The following BCL9L variants were observed in gnomAD, a reference collection of about 807,000 sequenced individuals.
BCL9L encodes BCL9 like.
Under a neutral mutation model 99.4 loss-of-function variants are expected in BCL9L, and 19 were observed. That is an observed-to-expected ratio of 0.19 (90% confidence interval 0.13 to 0.28). The LOEUF (loss-of-function observed/expected upper bound fraction) is 0.28, where lower values mean the gene tolerates loss of function less well. BCL9L is among the 10% of genes least tolerant of loss of function. BCL9L has a pLI of 1.00. For synonymous variants in BCL9L, 900 were observed against 854.8 expected (o/e 1.05, Z -0.92); for missense variants, 2,023 against 2,101.6 (o/e 0.96, Z 0.73).
At position 118,901,356 on chromosome 11, in the gene BCL9L, A is replaced by T; in HGVS notation, c.2387T>A (p.Met796Lys). 1 of 1,613,766 alleles carries T rather than the reference A, an allele frequency of 6.2e-7. No individual in the cohort carries two copies. Among genetic ancestry groups the T allele is most frequent in the Non-Finnish European group, 8.5e-7 (1 of 1,179,960 alleles). Residue 796 changes from methionine to lysine, a missense_variant, in exon 8 of 10, where the codon ATG (methionine) becomes AAG (lysine). Transcript: ENST00000683865. This position sits in a 1 kb window ranked among gnomAD's most constrained non-coding sequence, Gnocchi z 6.6. The part of the protein sequence containing the change: ...VQMTPQQQML[M>K]SQKMRGPGDL... ...CCCAGGGCCCCGCATCTTCTGCGAC[A>T]TCAGCATCTGCTGCTGCGGGGTCAT... is the stretch of plus-strand genomic sequence containing the variant.
Position 118,903,255 on chromosome 11 carries a change from T to C in BCL9L, c.730A>G (p.Thr244Ala), listed in dbSNP as rs1481203919. 1.9e-6 allele frequency: 3 copies of C among 1,589,060 alleles called. No homozygotes were observed. Among genetic ancestry groups the C allele is most frequent in the Non-Finnish European group, 2.6e-6 (3 of 1,170,036 alleles). The change falls in exon 6 of 10, where the codon ACC becomes GCC. Residue 244 changes from threonine (T) to alanine (A), a missense_variant. By Grantham distance (58) the Thr-to-Ala change is moderately conservative. Transcript: ENST00000683865. The surrounding 1 kb of genome is among the most constrained non-coding windows in gnomAD (Gnocchi z 5.6). ...ACTTACGTGTTGGCCAGGTGGGTGG[T>C]GAAGACATATACGAACTGCGAGGGA... Reference protein sequence around the residue: ...KPPSQFVYVFTTHLANTAAEA... With the variant: ...KPPSQFVYVFATHLANTAAEA...
Position 118,902,729 on chromosome 11 carries a change from C to T in BCL9L, c.1014G>A (p.Ser338=), listed in dbSNP as rs35346926. The T allele has an allele frequency of 0.025, 39,599 of 1,597,018 alleles. 590 individuals carry two copies. Among genetic ancestry groups the T allele is most frequent in the Non-Finnish European group, 0.029 (33,797 of 1,178,850 alleles). Residue 338 remains serine, a synonymous_variant, in exon 8 of 10, where the codon TCG becomes TCA. Coordinates refer to ENST00000683865, the MANE Select transcript of BCL9L (RefSeq NM_001378213.1). This position sits in a 1 kb window ranked among gnomAD's most constrained non-coding sequence, Gnocchi z 7.8. ...EDSSQDLAPN[S]VGAASTGGGT... Reference sequence around the variant, plus strand: ...CACCACCTGTGCTGGCAGCTCCCACCGAGTTGGGGGCCAGGTCCTGACTGC... The same window carrying T: ...CACCACCTGTGCTGGCAGCTCCCACTGAGTTGGGGGCCAGGTCCTGACTGC...
intron 3 of BCL9L, 126 bp downstream of exon 3, chr11:118,909,788 G>T: frequency 2.0e-6 from 3 of 1,482,726 alleles, no homozygotes; most frequent in Non-Finnish European, 1.9e-6. Flanking sequence ...CCCACTGGTG[G>T]CCTGGGAGCC....
intron 2 of BCL9L, among the ~76,000 whole-genome samples, chr11:118,915,008 C>T (rs1001423655): frequency 1.3e-5 from 2 of 152,084 alleles, no homozygotes; most frequent in Non-Finnish European, 2.9e-5. Context: ...TGGTGGTGGG[C>T]GCCTGTAATC....
chr11:118,896,684 G>C lies in BCL9L; in HGVS notation c.*1731C>G, dbSNP rs1451130849. On this transcript the variant is annotated 3_prime_UTR_variant, in exon 10 of 10. Transcript: ENST00000683865. ...GGCCGAGAGGACAGCACCAGGCTGG[G>C]AGAAGTGGGGCGAGTTCCCTTTGTA... The C allele has an allele frequency of 6.5e-6, 1 of 152,910 alleles. No individual in the cohort carries two copies. The highest frequency in any genetic ancestry group is 2.4e-5 in the African/African-American group (1 of 41,476). 9.5% of individuals were successfully genotyped at this position (152,910 alleles called of 1,614,324 possible).
intron 3 of BCL9L, among the ~76,000 whole-genome samples, chr11:118,909,519 G>A (rs1051709821): frequency 6.6e-6 from 1 of 152,194 alleles, no homozygotes; most frequent in Non-Finnish European, 1.5e-5. Flanking sequence ...TCTCCGGGGA[G>A]GGGGGAGGGA....
chr11:118,911,429 C>G (rs1254470496), intron 2 of BCL9L: 2 of 354,280 alleles, frequency 5.6e-6, no homozygotes, highest in Non-Finnish European at 1.2e-5. Context: ...GCCACTCCAG[C>G]CGTGTCTCTG....
At position 118,897,751 on chromosome 11, in the gene BCL9L, TTTA is replaced by T. The variant is rs1356381449; in HGVS notation, c.*661_*663del. On this transcript the variant is annotated 3_prime_UTR_variant, in exon 10 of 10. Transcript: ENST00000683865. Reference sequence around the variant, plus strand: ...CTTGAAGAAGGGGGGAAGGGTTTCTTTTATCCTTTTTTTTTTGTGTGACTTCTA... The same window carrying T: ...CTTGAAGAAGGGGGGAAGGGTTTCTTTCCTTTTTTTTTTGTGTGACTTCTA... 1.4e-5 allele frequency: 6 copies of T among 437,728 alleles called. No individual in the cohort carries two copies. The Admixed American group carries it at 1.6e-4, about 11-fold the overall frequency. 27.1% of individuals were successfully genotyped at this position (437,728 alleles called of 1,614,324 possible).
intron 5 of BCL9L, among the ~76,000 whole-genome samples, chr11:118,904,097 A>G (rs1034889084): frequency 2.0e-5 from 3 of 152,192 alleles, no homozygotes; most frequent in African/African-American, 7.2e-5. Flanking sequence ...AAAGAAATAT[A>G]TTTTTTAACA....
In BCL9L at chr11:118,900,608, A is replaced by T; in HGVS notation, c.3124+11T>A. The T allele has an allele frequency of 6.3e-7, 1 of 1,590,948 alleles. No individual in the cohort carries two copies. Among genetic ancestry groups the T allele is most frequent in the Non-Finnish European group, 8.6e-7 (1 of 1,167,028 alleles). ...TGCCTGCCTGCCTGCCTGCCTGCGC[A>T]ATTGACTCACCCTGTTCCATGTTGC... On this transcript the variant is annotated intron_variant, in intron 8 of 9. Transcript: ENST00000683865. The surrounding 1 kb of genome is among the most constrained non-coding windows in gnomAD (Gnocchi z 5.3).
chr11:118,919,197 A>G (rs1185645540), intron 1 of BCL9L, among the ~76,000 whole-genome samples: 2 of 145,872 alleles, frequency 1.4e-5, no homozygotes, highest in Non-Finnish European at 3.0e-5. Flanking sequence ...AAGACCTTAG[A>G]GCTCCCTTAG....
In BCL9L at chr11:118,902,347, C is replaced by T. The variant is rs755034365; in HGVS notation, c.1396G>A (p.Glu466Lys). ...GAAATCATGGACTGCAAGGGTTCCT[C>T]ATATTTCTTCAGCCCGCTGGGAGGG... ...TAPPSGLKKY[E>K]EPLQSMISQT... Residue 466 changes from glutamate to lysine, a missense_variant, in exon 8 of 10, where the codon GAG (glutamate) becomes AAG (lysine). Physicochemically the swap from Glu to Lys is moderately conservative, Grantham distance 56. Transcript: ENST00000683865. The surrounding 1 kb of genome is among the most constrained non-coding windows in gnomAD (Gnocchi z 7.8). 2 of 1,490,416 alleles carry T rather than the reference C, an allele frequency of 1.3e-6. No individual in the cohort carries two copies. Among genetic ancestry groups the T allele is most frequent in the Non-Finnish European group, 1.8e-6 (2 of 1,114,376 alleles). The allele number at this position is 1,490,416 out of a possible 1,614,324, so 92.3% of individuals were successfully genotyped here.
chr11:118,908,421 G>A lies in BCL9L; in HGVS notation c.261C>T (p.Ile87=), dbSNP rs753306518. 6.2e-7 allele frequency: 1 copy of A among 1,614,062 alleles called. No homozygotes were observed. Among genetic ancestry groups the A allele is most frequent in the South Asian group, 1.1e-5 (1 of 91,084 alleles). The change falls in exon 4 of 10, where the codon ATC becomes ATT. Residue 87 remains isoleucine, a synonymous_variant. Coordinates refer to ENST00000683865, the MANE Select transcript of BCL9L (RefSeq NM_001378213.1). ...TCTTCAGACTTGAGTTGCTAGGCGA[G>A]ATCTGGTTGGCCTTGGCCCCATGGT... ...AGNHGAKANQ[I]SPSNSSLKNP...
chr11:118,911,299 C>T (rs751125461), intron 2 of BCL9L: 29 of 455,210 alleles, frequency 6.4e-5, no homozygotes, highest in South Asian at 4.0e-4. Flanking sequence ...CACCGGTGCA[C>T]ACTCCTGATG....
chr11:118,910,298 T>A, intron 2 of BCL9L: 1 of 263,454 alleles, frequency 3.8e-6, no homozygotes, highest in Non-Finnish European at 7.7e-6. Flanking sequence ...AAAGGTGCCG[T>A]GTGGGGCGGC....
chr11:118,908,206 C>A (rs955733924), intron 4 of BCL9L, 64 bp downstream of exon 4: 7 of 1,505,752 alleles, frequency 4.6e-6, no homozygotes, highest in Non-Finnish European at 5.3e-6. Context: ...AGGTGATCTC[C>A]CAGAACATCT....
At position 118,921,001 on chromosome 11, in the gene BCL9L, G is replaced by A. The variant is rs961646561; in HGVS notation, c.-130-2122C>T. On this transcript the variant is annotated intron_variant, in intron 1 of 9. Transcript: ENST00000683865. The surrounding 1 kb of genome is among the most constrained non-coding windows in gnomAD (Gnocchi z 5.4). Reference sequence around the variant, plus strand: ...CCCGCACACGCACATACACGTGGACGAGACACGCCCCCAGCACACACACTC... The same window carrying A: ...CCCGCACACGCACATACACGTGGACAAGACACGCCCCCAGCACACACACTC... Among the ~76,000 whole-genome samples, 10 of 152,138 alleles carry A rather than the reference G, an allele frequency of 6.6e-5. No individual in the cohort carries two copies. The highest frequency in any genetic ancestry group is 1.3e-4 in the Non-Finnish European group (9 of 68,020).
In BCL9L at chr11:118,902,851, T is replaced by C; in HGVS notation, c.892A>G (p.Thr298Ala). The change falls in exon 8 of 10, where the codon ACC (threonine) becomes GCC (alanine). Residue 298 changes from threonine to alanine, a missense_variant. Around this residue, in one of 3 missense-constraint regions of BCL9L, gnomAD observed 1,116 missense variants for 1,194.6 expected, o/e 0.93. Transcript: ENST00000683865. The surrounding 1 kb of genome is among the most constrained non-coding windows in gnomAD (Gnocchi z 7.8). ...AGTGGAGGTGGCTGGGACTGCGGGG[T>C]GCCTGCTGACGGCGTGCTCAGGGGT... ...PLPLSTPSAG[T>A]PQSQPPPLPP... 6.5e-7 allele frequency: 1 copy of C among 1,548,822 alleles called. No homozygotes were observed. Among genetic ancestry groups the C allele is most frequent in the Non-Finnish European group, 8.7e-7 (1 of 1,153,848 alleles).
rs1381367239 is a variant in BCL9L at position 118,900,187 on chromosome 11, G to T, written c.3136C>A (p.Pro1046Thr). 6.2e-7 allele frequency: 1 copy of T among 1,600,604 alleles called. No homozygotes were observed. The highest frequency in any genetic ancestry group is 1.3e-5 in the African/African-American group (1 of 74,772). The change falls in exon 9 of 10, where the codon CCT (proline) becomes ACT (threonine). Residue 1046 changes from proline to threonine, a missense_variant. Around this residue, in one of 3 missense-constraint regions of BCL9L, gnomAD observed 902 missense variants for 888.2 expected, o/e 1.02. Transcript: ENST00000683865. This position sits in a 1 kb window ranked among gnomAD's most constrained non-coding sequence, Gnocchi z 5.3. ...LSNMEQGTLPPSGPRSSSSAP... is the reference protein window; with the variant it reads ...LSNMEQGTLPTSGPRSSSSAP... ...GAGGAGCTGCTCCGGGGGCCGCTAG[G>T]CGGGAGGGTACCTACAGAAACGGGG...
Sources: allele counts gnomAD v4.1 joint callset (sites outside exome capture counted in the v4.1 genomes callset), GRCh38; gene constraint gnomAD v4.1.1; regional missense constraint gnomAD v4.1.1; non-coding constraint Gnocchi (gnomAD v3.1); transcripts MANE v1.5; gene names NCBI Gene and HGNC (gene_info 2026-07-23, HGNC 2026-07-21).